GAN: variants seen among roughly 807,000 people sequenced by gnomAD.
The protein encoded by GAN is gigaxonin.
A neutral mutation model predicts 71.3 loss-of-function variants in GAN; 48 were observed. The ratio of observed to expected loss-of-function variants is 0.67; its 90% CI spans 0.53 to 0.86. The LOEUF is 0.86. GAN is among the 40% of genes least tolerant of loss of function. The pLI, the probability that GAN is intolerant of heterozygous loss-of-function variation, is 0.00. For synonymous variants in GAN, 386 were observed against 276.8 expected (o/e 1.39, Z -3.92); for missense variants, 928 against 770.1 (o/e 1.21, Z -2.43).
At chr16:81,368,059 G>C (rs1285182965) in intron 9 of GAN, among the ~76,000 whole-genome samples, 1 of 152,112 alleles carries the variant, frequency 6.6e-6, no homozygotes, top group Non-Finnish European at 1.5e-5. Context: ...GTAATCTCTT[G>C]TCTTTCCTGT....
At chr16:81,359,493 C>G (rs375993345) in intron 5 of GAN, among the ~76,000 whole-genome samples, 1 of 149,440 alleles carries the variant, frequency 6.7e-6, no homozygotes, top group Non-Finnish European at 1.5e-5. Flanking sequence ...TTGGGACTTA[C>G]ATTCTTGTTA....
chr16:81,383,210 A>G lies in GAN; in HGVS notation c.*5614A>G, dbSNP rs1244236990. On this transcript the variant is annotated 3_prime_UTR_variant, in exon 11 of 11. Transcript: ENST00000648994. The stretch of plus-strand genomic sequence containing the variant: ...TCAAATAAATAAAACTACATTATAT[A>G]ATTATTTAGTCAGAAATGACTGTTG... 6.8e-6 allele frequency: 1 copy of G among 147,944 alleles called. No individual in the cohort carries two copies. Among genetic ancestry groups the G allele is most frequent in the Non-Finnish European group, 1.5e-5 (1 of 66,930 alleles). 9.2% of individuals were successfully genotyped at this position (147,944 alleles called of 1,614,324 possible). A position where few individuals can be genotyped will look rare whatever the true frequency, so the allele number is the denominator to read the frequency against.
intron 1 of GAN, among the ~76,000 whole-genome samples, chr16:81,340,689 C>G (rs1171074124): frequency 6.6e-6 from 1 of 151,960 alleles, no homozygotes; most frequent in African/African-American, 2.4e-5. Context: ...GAAACCAGAG[C>G]AGAAAGGCTG....
intron 1 of GAN, among the ~76,000 whole-genome samples, chr16:81,338,426 C>T (rs539696625): frequency 1.3e-5 from 2 of 152,240 alleles, no homozygotes; most frequent in South Asian, 4.1e-4. Flanking sequence ...TTTAGCTTAG[C>T]TCTTTTTAAA....
At chr16:81,320,512 G>A (rs1909190245) in intron 1 of GAN, among the ~76,000 whole-genome samples, 1 of 152,190 alleles carries the variant, frequency 6.6e-6, no homozygotes, top group East Asian at 1.9e-4. Flanking sequence ...TCACAGTAAT[G>A]TTCAGTTAAT....
intron 1 of GAN, among the ~76,000 whole-genome samples, chr16:81,346,510 G>A (rs184158640): frequency 5.9e-5 from 9 of 152,228 alleles, no homozygotes; most frequent in South Asian, 4.2e-4. Flanking sequence ...TCATAGGAGC[G>A]CGAACCCTAT....
chr16:81,318,973 G>T (rs1909135710), intron 1 of GAN, among the ~76,000 whole-genome samples: 1 of 152,052 alleles, frequency 6.6e-6, no homozygotes, highest in African/African-American at 2.4e-5. Context: ...CCTCCTTTTG[G>T]TTCCTGGGTG....
At chr16:81,353,447 A>G (rs1174405398) in intron 2 of GAN, among the ~76,000 whole-genome samples, 1 of 152,224 alleles carries the variant, frequency 6.6e-6, no homozygotes, top group African/African-American at 2.4e-5. Flanking sequence ...ATAATGTCAT[A>G]TAAATGGAAC....
intron 3 of GAN, 75 bp from the exon 4 acceptor site, chr16:81,356,710 G>C: frequency 9.5e-7 from 1 of 1,052,406 alleles, no homozygotes; most frequent in East Asian, 2.4e-5. Context: ...TCCATGAGGT[G>C]GAAAATGTAG....
At chr16:81,333,950 T>A (rs1170592551) in intron 1 of GAN, among the ~76,000 whole-genome samples, 1 of 152,200 alleles carries the variant, frequency 6.6e-6, no homozygotes, top group Non-Finnish European at 1.5e-5. Context: ...CCCAAACACA[T>A]GCACACTCTG....
At position 81,348,464 on chromosome 16, in the gene GAN, T is replaced by G. The variant is rs150941162; in HGVS notation, c.168-3119T>G. ...TGTTAAATATCTAATGAGTCCTGTT[T>G]GCTTGATTTTAAGAGCAGTGCTCTA... On this transcript the variant is annotated intron_variant, in intron 1 of 10. Coordinates refer to ENST00000648994, the MANE Select transcript of GAN (RefSeq NM_022041.4). Among the ~76,000 whole-genome samples the G allele has an allele frequency of 5.9e-5, 9 of 152,338 alleles. No homozygotes were observed. In the East Asian group the frequency reaches 1.7e-3, roughly 29 times the overall value.
At position 81,357,940 on chromosome 16, in the gene GAN, C is replaced by G. The variant is rs1383717688; in HGVS notation, c.973+9C>G. On this transcript the variant is annotated intron_variant, in intron 5 of 10. Transcript: ENST00000648994. ...TGGAGTTCTCTCAGCAGGTACCGTT[C>G]TGTGGCAAATTTTCCTTAAACAGCA... The G allele has an allele frequency of 3.7e-6, 6 of 1,612,852 alleles. No individual in the cohort carries two copies. The highest frequency in any genetic ancestry group is 5.1e-6 in the Non-Finnish European group (6 of 1,179,088).
rs1430328734 is a variant in GAN at position 81,379,085 on chromosome 16, T to C, written c.*1489T>C. On this transcript the variant is annotated 3_prime_UTR_variant, in exon 11 of 11. Transcript: ENST00000648994. ...AATATGGCTGTAAGAAGCAGCATTT[T>C]GTCTTATTAACACATGTATAAAGGT... 6.6e-6 allele frequency: 1 copy of C among 152,214 alleles called. No individual in the cohort carries two copies. The highest frequency in any genetic ancestry group is 1.5e-5 in the Non-Finnish European group (1 of 68,036). The allele number at this position is 152,214 out of a possible 1,614,324, so 9.4% of individuals were successfully genotyped here.
rs1199672864 is a variant in GAN, at chr16:81,380,168, T to G, written c.*2572T>G. ...TTATTTCAGTATTGTAAAATAAATG[T>G]TGACTCATTTCATGCAGGTTTGTGT... On this transcript the variant is annotated 3_prime_UTR_variant, in exon 11 of 11. Coordinates refer to ENST00000648994, the MANE Select transcript of GAN (RefSeq NM_022041.4). 1.3e-5 allele frequency: 2 copies of G among 152,650 alleles called. No homozygotes were observed. The highest frequency in any genetic ancestry group is 2.9e-5 in the Non-Finnish European group (2 of 68,032). The allele number at this position is 152,650 out of a possible 1,614,324, so 9.5% of individuals were successfully genotyped here.
chr16:81,320,047 TA>T (rs1278264683), intron 1 of GAN, among the ~76,000 whole-genome samples: 1 of 152,214 alleles, frequency 6.6e-6, no homozygotes, highest in Non-Finnish European at 1.5e-5. Flanking sequence ...TTCTGTTGTA[TA>T]AATCCAGGCC....
chr16:81,340,540 G>A (rs999915529), intron 1 of GAN, among the ~76,000 whole-genome samples: 2 of 152,104 alleles, frequency 1.3e-5, no homozygotes, highest in Non-Finnish European at 2.9e-5. Flanking sequence ...CTGCAGCTGA[G>A]GGGCCTCTCT....
At chr16:81,320,526 G>A (rs553299201) in intron 1 of GAN, among the ~76,000 whole-genome samples, 10 of 152,204 alleles carry the variant, frequency 6.6e-5, no homozygotes, top group African/African-American at 9.7e-5. Flanking sequence ...AGTTAATAAT[G>A]TTTTGCTTTC....
chr16:81,355,901 A>T (rs538564432), intron 3 of GAN, among the ~76,000 whole-genome samples: 2 of 152,306 alleles, frequency 1.3e-5, no homozygotes, highest in Admixed American at 6.5e-5. Flanking sequence ...ATTGGTTTTA[A>T]TTGGGACAGG....
At chr16:81,336,620 C>G (rs1597393858) in intron 1 of GAN, among the ~76,000 whole-genome samples, 1 of 145,368 alleles carries the variant, frequency 6.9e-6, no homozygotes. Context: ...TGCACACCAC[C>G]CCAGTTGGCT....
Sources: gnomAD v4.1 joint callset for allele counts (sites outside exome capture counted in the v4.1 genomes callset) on GRCh38, gnomAD v4.1.1 for gene constraint, MANE v1.5 for transcripts, NCBI Gene and HGNC (gene_info 2026-07-23, HGNC 2026-07-21) for gene names.